The following FAM219A variants were observed in gnomAD, a reference collection of about 807,000 sequenced individuals.
FAM219A encodes the protein protein FAM219A.
FAM219A carries 7 observed loss-of-function variants against 23.4 expected under a neutral mutation model. The ratio of observed to expected loss-of-function variants is 0.30; its 90% confidence interval spans 0.17 to 0.56. FAM219A has a LOEUF of 0.56. Ranked by LOEUF, FAM219A falls within the 20% of genes least tolerant of loss-of-function variation. The pLI, the probability that FAM219A is intolerant of heterozygous loss-of-function variation, is 0.92. For synonymous variants in FAM219A, 93 were observed against 99.0 expected (o/e 0.94, Z 0.36); for missense variants, 166 against 246.9 (o/e 0.67, Z 2.20).
At position 34,458,065 on chromosome 9, in the gene FAM219A, C is replaced by G. The variant is rs558734056; in HGVS notation, c.60+139G>C. ...GTTTTCTTGTCCTGCAAGTCCCCGT[C>G]CCCCGGCAATACGTTTTCAGGGATC... On this transcript the variant is annotated intron_variant, in intron 1 of 5. Transcript: ENST00000651358. The surrounding 1 kb of genome is among the most constrained non-coding windows in gnomAD (Gnocchi z 6.6). The G allele has an allele frequency of 1.1e-4, 86 of 770,670 alleles. 2 individuals are homozygous for G. The South Asian group carries it at 2.0e-3, about 18-fold the overall frequency. 47.7% of individuals were successfully genotyped at this position (770,670 alleles called of 1,614,324 possible).
chr9:34,445,927 C>T (rs1823352700), intron 1 of FAM219A, among the ~76,000 whole-genome samples: 1 of 152,192 alleles, frequency 6.6e-6, no homozygotes, highest in South Asian at 2.1e-4. Flanking sequence ...GTAATCCCAG[C>T]ACTTTGGGAG....
intron 1 of FAM219A, among the ~76,000 whole-genome samples, chr9:34,439,301 G>T (rs1823069779): frequency 6.6e-6 from 1 of 152,228 alleles, no homozygotes; most frequent in Admixed American, 6.5e-5. Flanking sequence ...AGGGTATATG[G>T]TTGAATGTCA....
intron 1 of FAM219A, among the ~76,000 whole-genome samples, chr9:34,418,934 G>T (rs1203012776): frequency 6.6e-6 from 1 of 152,070 alleles, no homozygotes; most frequent in Non-Finnish European, 1.5e-5. Flanking sequence ...AATTAGCCAG[G>T]TGTAGTGTTG....
intron 1 of FAM219A, among the ~76,000 whole-genome samples, chr9:34,435,657 G>A (rs552994381): frequency 9.5e-4 from 145 of 152,224 alleles, no homozygotes; most frequent in African/African-American, 2.2e-3. Flanking sequence ...TGTTATGTGC[G>A]CTTTACCACA....
chr9:34,449,929 G>A (rs1823501095), intron 1 of FAM219A, among the ~76,000 whole-genome samples: 1 of 152,156 alleles, frequency 6.6e-6, no homozygotes, highest in African/African-American at 2.4e-5. Context: ...ATTCCTAACA[G>A]AATACTATAG....
chr9:34,405,786 T>C, intron 2 of FAM219A, 79 bp downstream of exon 2: 1 of 1,377,142 alleles, frequency 7.3e-7, no homozygotes, highest in South Asian at 1.2e-5. Flanking sequence ...GCTGGTTTAT[T>C]TGTGGCACCT....
intron 1 of FAM219A, among the ~76,000 whole-genome samples, chr9:34,446,831 G>T (rs538101811): frequency 7.2e-5 from 11 of 152,198 alleles, no homozygotes; most frequent in Non-Finnish European, 1.3e-4. Context: ...TCTCTTGAAT[G>T]ATGATATCAG....
intron 1 of FAM219A, among the ~76,000 whole-genome samples, chr9:34,430,567 G>C (rs1302698212): frequency 6.7e-6 from 1 of 148,496 alleles, no homozygotes; most frequent in Non-Finnish European, 1.5e-5. Context: ...AACCCAGGAG[G>C]TGGAGCTTGC....
rs551001934 is a variant in FAM219A at position 34,445,708 on chromosome 9, C to T, written c.60+12496G>A. On this transcript the variant is annotated intron_variant, in intron 1 of 5. Transcript: ENST00000651358. ...AAGAACTTAATTGGGTTCCAAGTTG[C>T]GAAGGAGGGTCTAATCTAGGCCACG... is the stretch of plus-strand genomic sequence containing the variant. 2.5e-3 allele frequency among the ~76,000 whole-genome samples: 387 copies of T among 152,288 alleles called. 2 individuals are homozygous for T. The highest frequency in any genetic ancestry group is 4.4e-3 in the Non-Finnish European group (298 of 68,018).
intron 1 of FAM219A, among the ~76,000 whole-genome samples, chr9:34,427,496 G>A (rs910770244): frequency 6.6e-6 from 1 of 152,068 alleles, no homozygotes; most frequent in Non-Finnish European, 1.5e-5. Context: ...TTTCTTTCAT[G>A]CACTTAGCAA....
At chr9:34,411,635 C>T (rs1821823909) in intron 1 of FAM219A, among the ~76,000 whole-genome samples, 1 of 148,682 alleles carries the variant, frequency 6.7e-6, no homozygotes, top group Non-Finnish European at 1.5e-5. Flanking sequence ...CAAGATTGCA[C>T]CCCTGCACTC....
intron 1 of FAM219A, among the ~76,000 whole-genome samples, chr9:34,452,630 A>G (rs1238060379): frequency 6.6e-6 from 1 of 152,112 alleles, no homozygotes; most frequent in Non-Finnish European, 1.5e-5. Context: ...ATCTTCTCCA[A>G]TCTCTCATCC....
chr9:34,421,559 C>T (rs1822286138), intron 1 of FAM219A, among the ~76,000 whole-genome samples: 2 of 152,024 alleles, frequency 1.3e-5, no homozygotes, highest in South Asian at 4.1e-4. Context: ...GGAAGGGGTA[C>T]CACCTCGTAC....
At chr9:34,442,619 A>G (rs994849764) in intron 1 of FAM219A, among the ~76,000 whole-genome samples, 2 of 151,832 alleles carry the variant, frequency 1.3e-5, no homozygotes, top group African/African-American at 2.4e-5. Context: ...TGGGAGGCAA[A>G]GGTTGTAGTA....
chr9:34,403,781 C>G (rs1821535141), intron 2 of FAM219A, among the ~76,000 whole-genome samples: 1 of 152,174 alleles, frequency 6.6e-6, no homozygotes, highest in Non-Finnish European at 1.5e-5. Flanking sequence ...CATAAAATAG[C>G]CAAATGCTCC....
chr9:34,428,599 A>G (rs2131977549), intron 1 of FAM219A, among the ~76,000 whole-genome samples: 1 of 152,322 alleles, frequency 6.6e-6, no homozygotes. Context: ...ATTGTATTCA[A>G]TTTAGTAAGG....
At chr9:34,449,777 T>C (rs1466620185) in intron 1 of FAM219A, among the ~76,000 whole-genome samples, 3 of 152,228 alleles carry the variant, frequency 2.0e-5, no homozygotes, top group African/African-American at 7.2e-5. Context: ...TTAAACAAAG[T>C]TGAAAAGGTT....
intron 1 of FAM219A, 123 bp from the exon 2 acceptor site, chr9:34,406,087 C>T: frequency 1.9e-6 from 2 of 1,045,094 alleles, no homozygotes; most frequent in Non-Finnish European, 2.7e-6. Context: ...CCCCTCAGAG[C>T]AGGCAGGGCA....
At chr9:34,455,525 G>A (rs1180956556) in intron 1 of FAM219A, among the ~76,000 whole-genome samples, 1 of 147,268 alleles carries the variant, frequency 6.8e-6, no homozygotes, top group Admixed American at 6.8e-5. Flanking sequence ...GGAATGTAGT[G>A]GTAGGCACAC....
Sources: gnomAD v4.1 joint callset for allele counts (sites outside exome capture counted in the v4.1 genomes callset) on GRCh38, gnomAD v4.1.1 for gene constraint, Gnocchi (gnomAD v3.1) non-coding constraint, MANE v1.5 for transcripts, NCBI Gene and HGNC (gene_info 2026-07-23, HGNC 2026-07-21) for gene names.